ZNF550: variants seen among roughly 807,000 people sequenced by gnomAD.
The protein encoded by ZNF550 is zinc finger protein 550.
ZNF550 carries 42 observed loss-of-function variants against 40.2 expected under a neutral mutation model. That is an observed-to-expected ratio of 1.05 (90% confidence interval 0.82 to 1.35). ZNF550 has a LOEUF of 1.35. Among genes scored for constraint, ZNF550 ranks in the 40% most tolerant of loss-of-function variants. The probability of loss-of-function intolerance (pLI) is 0.00; values close to 1 mark genes in which losing one functional copy is unlikely to be tolerated. For missense variants in ZNF550, 549 were observed against 525.2 expected (o/e 1.05, Z -0.44); for synonymous variants, 223 against 198.6 (o/e 1.12, Z -1.03).
At chr19:57,550,607 GGA>G (rs1278876002) in intron 3 of ZNF550, among the ~76,000 whole-genome samples, 3 of 152,296 alleles carry the variant, frequency 2.0e-5, no homozygotes, top group African/African-American at 2.4e-5. Flanking sequence ...TAGTCCCTAG[GGA>G]GAGAGTCTAA....
intron 4 of ZNF550, among the ~76,000 whole-genome samples, chr19:57,544,773 C>T (rs1051334589): frequency 5.9e-5 from 9 of 152,196 alleles, no homozygotes; most frequent in African/African-American, 2.2e-4. Flanking sequence ...TTTAACCTAA[C>T]ATTATCTCAT....
At chr19:57,556,186 A>C in intron 2 of ZNF550, 45 bp downstream of exon 2, 1 of 1,613,198 alleles carries the variant, frequency 6.2e-7, no homozygotes, top group Non-Finnish European at 8.5e-7. Flanking sequence ...CCTGGCCAAG[A>C]ATCAGGGTTA....
At chr19:57,556,603 C>T (rs1048100591) in intron 1 of ZNF550, 15 of 415,752 alleles carry the variant, frequency 3.6e-5, no homozygotes, top group Admixed American at 1.2e-4. Flanking sequence ...GGCAATCCCA[C>T]GAGGACTATG....
intron 1 of ZNF550, 25 bp downstream of exon 1, chr19:57,559,631 C>A: frequency 6.8e-7 from 1 of 1,467,090 alleles, no homozygotes; most frequent in Non-Finnish European, 9.1e-7. Flanking sequence ...CGGGTGGCCG[C>A]GGGGAGCCGA....
intron 1 of ZNF550, among the ~76,000 whole-genome samples, chr19:57,558,180 G>A (rs2090139056): frequency 6.6e-6 from 1 of 152,220 alleles, no homozygotes; most frequent in Non-Finnish European, 1.5e-5. Context: ...GCTACAGCCA[G>A]CACTGCCAGG....
chr19:57,547,404 G>C (rs752559788), exon 4 of ZNF550: 1 of 1,613,450 alleles, frequency 6.2e-7, no homozygotes, highest in South Asian at 1.1e-5. Context: ...CTCCAGTGTG[G>C]ATTGGATGGT....
In ZNF550 at chr19:57,542,298, T is replaced by C. The variant is rs966761585; in HGVS notation, c.*1464A>G. On this transcript the variant is annotated 3_prime_UTR_variant, in exon 5 of 5. Transcript: ENST00000457177. ...AGGGCAATGTATAACATAATTCCAG[T>C]TACATACTAGATCACCATATGACCT... 2.7e-5 allele frequency: 4 copies of C among 149,268 alleles called. No individual in the cohort carries two copies. In the East Asian group the frequency reaches 7.8e-4, roughly 29 times the overall value. The allele number at this position is 149,268 out of a possible 1,614,324, so 9.2% of individuals were successfully genotyped here.
exon 5 of ZNF550, chr19:57,543,120 C>T: frequency 2.1e-6 from 1 of 467,934 alleles, no homozygotes; most frequent in Non-Finnish European, 2.8e-6. Flanking sequence ...TAGGATTTCT[C>T]TTCCAAATCA....
exon 1 of ZNF550, chr19:57,559,730 A>G: frequency 7.0e-7 from 1 of 1,434,868 alleles, no homozygotes; most frequent in Non-Finnish European, 9.2e-7. Flanking sequence ...CCACGGGCTC[A>G]AAACCCTACC....
At chr19:57,546,680 G>A in exon 4 of ZNF550, 1 of 1,151,168 alleles carries the variant, frequency 8.7e-7, no homozygotes. Context: ...TCTCCAGCAT[G>A]AGTTCTCTGA....
intron 1 of ZNF550, among the ~76,000 whole-genome samples, chr19:57,559,272 G>GA (rs1441033501): frequency 5.4e-4 from 82 of 152,224 alleles, no homozygotes; most frequent in Non-Finnish European, 9.7e-4. Context: ...CCCGGGGGGG[G>GA]GAAGAGTAAA....
chr19:57,544,784 G>A (rs1004625968), intron 4 of ZNF550, among the ~76,000 whole-genome samples: 2 of 152,306 alleles, frequency 1.3e-5, no homozygotes, highest in African/African-American at 4.8e-5. Context: ...ATTATCTCAT[G>A]TAGCTTGAAA....
chr19:57,559,711 G>T, exon 1 of ZNF550: 1 of 1,465,836 alleles, frequency 6.8e-7, no homozygotes, highest in South Asian at 1.3e-5. Context: ...AGGCCGCGTG[G>T]GGCAGCTCCC....
At chr19:57,547,886 C>T in exon 4 of ZNF550, 1 of 1,614,126 alleles carries the variant, frequency 6.2e-7, no homozygotes, top group East Asian at 2.2e-5. Context: ...AACCTCGAAT[C>T]ACTTGAGGTT....
At chr19:57,552,934 C>T (rs577511950) in intron 2 of ZNF550, 6 of 528,282 alleles carry the variant, frequency 1.1e-5, no homozygotes, top group East Asian at 6.0e-5. Flanking sequence ...TAACACCCAA[C>T]GTGACTGTAT....
chr19:57,546,442 A>G (rs1408539107), intron 4 of ZNF550: 3 of 979,758 alleles, frequency 3.1e-6, no homozygotes, highest in Non-Finnish European at 3.6e-6. Context: ...GTAAGGACAT[A>G]AAGCAAGAAG....
intron 1 of ZNF550, among the ~76,000 whole-genome samples, chr19:57,557,804 C>T (rs750075265): frequency 6.6e-6 from 1 of 152,208 alleles, no homozygotes; most frequent in Non-Finnish European, 1.5e-5. Context: ...GAATCTGACA[C>T]TTGCCAGCTA....
exon 5 of ZNF550, chr19:57,543,039 T>G (rs1235260593): frequency 2.4e-5 from 4 of 164,010 alleles, no homozygotes; most frequent in Non-Finnish European, 5.1e-5. Context: ...GCTTCCATTG[T>G]GAGATGGCTT....
chr19:57,542,405 G>C (rs1451597400), exon 5 of ZNF550: 1 of 151,208 alleles, frequency 6.6e-6, no homozygotes, highest in African/African-American at 2.4e-5. Context: ...TATTTTTAAG[G>C]TTGAATCAAG....
Sources: gnomAD v4.1 joint callset for allele counts (sites outside exome capture counted in the v4.1 genomes callset) on GRCh38, gnomAD v4.1.1 for gene constraint, MANE v1.5 for transcripts, NCBI Gene and HGNC (gene_info 2026-07-23, HGNC 2026-07-21) for gene names.